The following SPHKAP variants were observed in gnomAD, a reference collection of about 807,000 sequenced individuals.
SPHKAP encodes the protein A-kinase anchor protein SPHKAP.
Under a neutral mutation model 137.5 loss-of-function variants are expected in SPHKAP, and 67 were observed. That is an observed-to-expected ratio of 0.49 (90% CI 0.40 to 0.60). The LOEUF (loss-of-function observed/expected upper bound fraction) is 0.60. SPHKAP is among the 20% of genes least tolerant of loss of function. The probability of loss-of-function intolerance (pLI) is 0.00; values close to 1 mark genes in which losing one functional copy is unlikely to be tolerated. For synonymous variants in SPHKAP, 813 were observed against 785.3 expected, an observed-to-expected ratio of 1.04 and a Z score of -0.59; for missense variants, 2,097 against 2,069.3, an observed-to-expected ratio of 1.01 and a Z score of -0.26.
chr2:228,159,048 C>T (rs865988738), intron 1 of SPHKAP, among the ~76,000 whole-genome samples: 1 of 152,040 alleles, frequency 6.6e-6, no homozygotes, highest in South Asian at 2.1e-4. Context: ...AGTAATTTAC[C>T]AATGGGCGGT....
chr2:228,051,965 G>T (rs1023344672), intron 3 of SPHKAP, among the ~76,000 whole-genome samples: 2 of 152,012 alleles, frequency 1.3e-5, no homozygotes, highest in African/African-American at 4.8e-5. Flanking sequence ...TATCTCCACT[G>T]CCCTGGAGAT....
At chr2:228,097,469 TTTTTTA>T (rs1248902183) in intron 3 of SPHKAP, among the ~76,000 whole-genome samples, 1 of 152,198 alleles carries the variant, frequency 6.6e-6, no homozygotes, top group Non-Finnish European at 1.5e-5. Flanking sequence ...TGAGCACTTC[TTTTTTA>T]TTTTTATTTT....
At chr2:228,058,908 A>G (rs1696541728) in intron 3 of SPHKAP, among the ~76,000 whole-genome samples, 1 of 152,072 alleles carries the variant, frequency 6.6e-6, no homozygotes, top group African/African-American at 2.4e-5. Context: ...AACAATACTA[A>G]CTCTCCCAAG....
At chr2:228,170,418 A>T (rs1325334264) in intron 1 of SPHKAP, among the ~76,000 whole-genome samples, 1 of 152,150 alleles carries the variant, frequency 6.6e-6, no homozygotes, top group Non-Finnish European at 1.5e-5. Flanking sequence ...CAAACAGCAT[A>T]GTATGCTACA....
intron 7 of SPHKAP, among the ~76,000 whole-genome samples, chr2:228,015,523 A>G (rs184973063): frequency 6.6e-6 from 1 of 152,208 alleles, no homozygotes; most frequent in Non-Finnish European, 1.5e-5. Context: ...AAATGATACA[A>G]TGGTCTCATA....
At chr2:228,135,919 A>G (rs931284167) in intron 1 of SPHKAP, among the ~76,000 whole-genome samples, 3 of 152,198 alleles carry the variant, frequency 2.0e-5, no homozygotes, top group African/African-American at 7.2e-5. Flanking sequence ...AAATGTAGGT[A>G]GGCTTATGTT....
At chr2:228,132,929 G>T (rs534058922) in intron 1 of SPHKAP, among the ~76,000 whole-genome samples, 6 of 151,750 alleles carry the variant, frequency 4.0e-5, no homozygotes, top group African/African-American at 1.5e-4. Context: ...GTTTGAACCC[G>T]GGAGGTGGAG....
chr2:228,054,985 C>T (rs1696385178), intron 3 of SPHKAP, among the ~76,000 whole-genome samples: 1 of 151,398 alleles, frequency 6.6e-6, no homozygotes, highest in Non-Finnish European at 1.5e-5. Flanking sequence ...ACTAAAAATA[C>T]CAAAAAATTA....
chr2:228,107,306 T>C (rs924916828), intron 3 of SPHKAP, among the ~76,000 whole-genome samples: 5 of 152,170 alleles, frequency 3.3e-5, no homozygotes, highest in African/African-American at 1.2e-4. Context: ...GTTCAACTTT[T>C]TTAATTCAAT....
intron 7 of SPHKAP, among the ~76,000 whole-genome samples, chr2:228,006,854 A>G (rs1694160550): frequency 6.6e-6 from 1 of 151,482 alleles, no homozygotes; most frequent in Non-Finnish European, 1.5e-5. Flanking sequence ...CAGAACAGTG[A>G]ATATTGCTGA....
intron 2 of SPHKAP, among the ~76,000 whole-genome samples, chr2:228,128,839 C>CAGT (rs1407501068): frequency 2.0e-5 from 3 of 152,074 alleles, no homozygotes; most frequent in African/African-American, 7.2e-5. Flanking sequence ...TTTTTATGAG[C>CAGT]AGTAGGCTTC....
chr2:228,106,327 C>T (rs552416038), intron 3 of SPHKAP, among the ~76,000 whole-genome samples: 2 of 152,018 alleles, frequency 1.3e-5, no homozygotes, highest in South Asian at 2.1e-4. Context: ...GATATGAAAA[C>T]GTTGGCTACT....
intron 1 of SPHKAP, among the ~76,000 whole-genome samples, chr2:228,149,317 A>G (rs990915022): frequency 2.0e-5 from 3 of 152,230 alleles, no homozygotes; most frequent in Non-Finnish European, 1.5e-5. Flanking sequence ...CTCAAAAGCT[A>G]AAAAGTCATT....
chr2:228,156,425 A>G (rs1045654509), intron 1 of SPHKAP, among the ~76,000 whole-genome samples: 4 of 152,222 alleles, frequency 2.6e-5, no homozygotes, highest in African/African-American at 4.8e-5. Flanking sequence ...AAAGTCTTCT[A>G]TAAATACACA....
chr2:228,132,843 C>CAA (rs1313392929), intron 1 of SPHKAP, among the ~76,000 whole-genome samples: 15 of 126,322 alleles, frequency 1.2e-4, no homozygotes, highest in East Asian at 5.2e-4. Flanking sequence ...ACTAAAAATA[C>CAA]AAAAAAAAAA....
chr2:228,002,929 C>G (rs1467759366), intron 7 of SPHKAP, among the ~76,000 whole-genome samples: 1 of 152,004 alleles, frequency 6.6e-6, no homozygotes. Flanking sequence ...TCGTCTATAC[C>G]TCTGTTTTGG....
rs958199442 is a variant in SPHKAP at position 228,132,104 on chromosome 2, A to C, written c.33-19T>G. 1 of 1,584,452 alleles carries C rather than the reference A, an allele frequency of 6.3e-7. No individual in the cohort carries two copies. ...CAAGTTGCTGTTTGTGACCCAAAACACAAAAACACATTCCAGTGAGTCATA... is the reference window on the plus strand; with the variant it reads ...CAAGTTGCTGTTTGTGACCCAAAACCCAAAAACACATTCCAGTGAGTCATA... On this transcript the variant is annotated intron_variant, in intron 1 of 11. Transcript: ENST00000392056.
chr2:228,136,009 G>A (rs777741526), intron 1 of SPHKAP, among the ~76,000 whole-genome samples: 6 of 152,162 alleles, frequency 3.9e-5, no homozygotes, highest in Non-Finnish European at 7.3e-5. Flanking sequence ...CCTTTTGGAT[G>A]GAGAAAGAAT....
At chr2:228,164,899 T>C (rs4327223) in intron 1 of SPHKAP, among the ~76,000 whole-genome samples, 20,577 of 152,236 alleles carry the variant, frequency 0.14, 1,406 homozygotes, top group East Asian at 0.2. Context: ...TGTTCCCTTT[T>C]CTTGGCGCAC....
Sources: allele counts gnomAD v4.1 joint callset (sites outside exome capture counted in the v4.1 genomes callset), GRCh38; gene constraint gnomAD v4.1.1; transcripts MANE v1.5; gene names NCBI Gene and HGNC (gene_info 2026-07-23, HGNC 2026-07-21).